Variants in CNNM2 observed in about 807,000 individuals in gnomAD.
The protein encoded by CNNM2 is cyclin and CBS domain divalent metal cation transport mediator 2, also known as metal transporter CNNM2.
Under a neutral mutation model 66.9 loss-of-function variants are expected in CNNM2, and 12 were observed. The ratio of observed to expected loss-of-function variants is 0.18; its 90% CI spans 0.11 to 0.29. The LOEUF is 0.29. CNNM2 is among the 10% of genes least tolerant of loss of function. CNNM2 has a pLI of 1.00. For missense variants in CNNM2, 705 were observed against 1,167.7 expected (o/e 0.60, Z 5.77); for synonymous variants, 557 against 501.8 (o/e 1.11, Z -1.47).
intron 1 of CNNM2, among the ~76,000 whole-genome samples, chr10:102,977,950 C>A (rs1417741778): frequency 1.3e-5 from 2 of 152,078 alleles, no homozygotes; most frequent in Non-Finnish European, 2.9e-5. Context: ...TGCTCTGTTG[C>A]CCAGGCTGGA....
intron 1 of CNNM2, among the ~76,000 whole-genome samples, chr10:102,968,915 T>A (rs1272288586): frequency 6.7e-6 from 1 of 148,240 alleles, no homozygotes; most frequent in South Asian, 2.2e-4. Context: ...GCTGTCTTTT[T>A]TTTTTTTTTT....
chr10:103,058,907 C>T (rs1253300809), intron 4 of CNNM2, among the ~76,000 whole-genome samples: 3 of 152,186 alleles, frequency 2.0e-5, no homozygotes, highest in African/African-American at 7.2e-5. Context: ...ACTAAGCCAG[C>T]GTTGGAAGTT....
At chr10:102,986,779 C>CAAA (rs58137673) in intron 1 of CNNM2, among the ~76,000 whole-genome samples, 16 of 120,464 alleles carry the variant, frequency 1.3e-4, no homozygotes, top group South Asian at 5.8e-4. Flanking sequence ...GACTCAGTCT[C>CAAA]AAAAAAAAAA....
At chr10:102,937,546 G>C (rs1846281259) in intron 1 of CNNM2, among the ~76,000 whole-genome samples, 1 of 152,140 alleles carries the variant, frequency 6.6e-6, no homozygotes, top group Non-Finnish European at 1.5e-5. Context: ...ATTAAAAGGA[G>C]ACAAAAAGAT....
chr10:102,996,772 A>G (rs1332704033), intron 1 of CNNM2, among the ~76,000 whole-genome samples: 1 of 152,178 alleles, frequency 6.6e-6, no homozygotes, highest in Non-Finnish European at 1.5e-5. Flanking sequence ...AAAATTGTTC[A>G]CTTCATATCC....
At chr10:103,064,254 GA>G (rs1271159761) in intron 4 of CNNM2, among the ~76,000 whole-genome samples, 9 of 152,310 alleles carry the variant, frequency 5.9e-5, no homozygotes, top group African/African-American at 2.2e-4. Context: ...AGAAAATAAA[GA>G]CAGTTGCGAT....
intron 1 of CNNM2, among the ~76,000 whole-genome samples, chr10:103,033,955 A>G (rs1227656049): frequency 1.3e-5 from 2 of 152,206 alleles, no homozygotes; most frequent in African/African-American, 4.8e-5. Context: ...AGGAAGCAAA[A>G]GTAAAATGCT....
chr10:102,948,311 G>A (rs1846695978), intron 1 of CNNM2, among the ~76,000 whole-genome samples: 1 of 152,156 alleles, frequency 6.6e-6, no homozygotes, highest in African/African-American at 2.4e-5. Flanking sequence ...AATATTGGCA[G>A]GTGGGACGGG....
chr10:103,061,209 A>T (rs981846194), intron 4 of CNNM2, among the ~76,000 whole-genome samples: 4 of 152,080 alleles, frequency 2.6e-5, no homozygotes, highest in African/African-American at 9.7e-5. Flanking sequence ...CCTGGCCAAC[A>T]TGGTGAAACC....
chr10:102,967,720 G>A (rs188307252), intron 1 of CNNM2, among the ~76,000 whole-genome samples: 202 of 152,230 alleles, frequency 1.3e-3, no homozygotes, highest in Non-Finnish European at 2.5e-3. Context: ...TATTAATAAC[G>A]CTCCAAGGCT....
At chr10:102,997,705 A>G (rs1327495770) in intron 1 of CNNM2, among the ~76,000 whole-genome samples, 1 of 152,228 alleles carries the variant, frequency 6.6e-6, no homozygotes, top group African/African-American at 2.4e-5. Context: ...ATAAGGTCCC[A>G]TATGAAGCTG....
intron 1 of CNNM2, among the ~76,000 whole-genome samples, chr10:103,034,350 CAAAA>C (rs1415617400): frequency 6.8e-6 from 1 of 147,016 alleles, no homozygotes; most frequent in Non-Finnish European, 1.5e-5. Flanking sequence ...CAAAACAAAA[CAAAA>C]AAAACCATTA....
In CNNM2 at chr10:103,089,810, G is replaced by A; in HGVS notation, c.*12630G>A. The A allele has an allele frequency of 1.2e-6, 2 of 1,614,120 alleles. No individual in the cohort carries two copies. Among genetic ancestry groups the A allele is most frequent in the Non-Finnish European group, 1.7e-6 (2 of 1,180,014 alleles). On this transcript the variant is annotated 3_prime_UTR_variant, in exon 8 of 8. Coordinates refer to ENST00000369878, the MANE Select transcript of CNNM2 (RefSeq NM_017649.5). ...TCAGCTGGTGCCGCTTGTAGTCAGT[G>A]TCTTTGAAATCCACTGATGTGCGGT... is the stretch of plus-strand genomic sequence containing the variant.
intron 4 of CNNM2, among the ~76,000 whole-genome samples, chr10:103,057,374 C>A (rs1564864773): frequency 3.3e-5 from 5 of 151,330 alleles, no homozygotes; most frequent in African/African-American, 9.7e-5. Flanking sequence ...GAGGCTAAGA[C>A]AGGGGGCGGG....
rs1419969269 is a variant in CNNM2 at position 103,087,452 on chromosome 10, T to A, written c.*10272T>A. 6.6e-6 allele frequency: 1 copy of A among 152,078 alleles called. No homozygotes were observed. The highest frequency in any genetic ancestry group is 2.4e-5 in the African/African-American group (1 of 41,400). 9.4% of individuals were successfully genotyped at this position (152,078 alleles called of 1,614,324 possible). ...CAGCTGTGTGCTTTTCACTTTCCGA[T>A]CTTTGGACCCAGAGAATCATTTGCC... On this transcript the variant is annotated 3_prime_UTR_variant, in exon 8 of 8. Transcript: ENST00000369878.
At chr10:102,957,529 A>G (rs1399008200) in intron 1 of CNNM2, among the ~76,000 whole-genome samples, 1 of 152,230 alleles carries the variant, frequency 6.6e-6, no homozygotes, top group African/African-American at 2.4e-5. Flanking sequence ...ATTAACATTT[A>G]TCAAGAATCT....
rs200357709 is a variant in CNNM2, at chr10:102,919,553, T to C, written c.1073T>C (p.Ile358Thr). Residue 358 changes from isoleucine to threonine, a missense_variant, in exon 1 of 8, where the codon ATC becomes ACC. Transcript: ENST00000369878. ...STIGIVIFGE[I>T]VPQAICSRHG... is the part of the protein sequence containing the mutation. ...ATCGGTATCGTCATCTTCGGAGAGA[T>C]CGTGCCCCAGGCCATCTGCTCCCGG... 2 of 1,613,414 alleles carry C rather than the reference T, an allele frequency of 1.2e-6. No homozygotes were observed. The highest frequency in any genetic ancestry group is 2.2e-5 in the East Asian group (1 of 44,884).
At chr10:103,027,823 G>T (rs2064736304) in intron 1 of CNNM2, among the ~76,000 whole-genome samples, 1 of 152,020 alleles carries the variant, frequency 6.6e-6, no homozygotes, top group South Asian at 2.1e-4. Flanking sequence ...TATGTGCCAG[G>T]CACTATTTAA....
chr10:102,975,202 A>G (rs2063606754), intron 1 of CNNM2, among the ~76,000 whole-genome samples: 1 of 152,228 alleles, frequency 6.6e-6, no homozygotes, highest in South Asian at 2.1e-4. Context: ...TTTAGAGGAT[A>G]TAAAAATGTT....
Sources: gnomAD v4.1 joint callset for allele counts (sites outside exome capture counted in the v4.1 genomes callset) on GRCh38, gnomAD v4.1.1 for gene constraint, MANE v1.5 for transcripts, NCBI Gene and HGNC (gene_info 2026-07-23, HGNC 2026-07-21) for gene names.